The following CEP112 variants were observed in gnomAD, a reference collection of about 807,000 sequenced individuals.
The protein encoded by CEP112 is centrosomal protein 112, also known as centrosomal protein of 112 kDa.
CEP112 carries 127 observed loss-of-function variants against 153.0 expected under a neutral mutation model. The ratio of observed to expected loss-of-function variants is 0.83; its 90% CI spans 0.72 to 0.96. CEP112 has a LOEUF of 0.96. Among genes scored for constraint, CEP112 ranks in the 40% least tolerant of loss-of-function variants. The pLI, the probability that CEP112 is intolerant of heterozygous loss-of-function variation, is 0.00. For missense variants in CEP112, 1,089 were observed against 1,101.2 expected (o/e 0.99, Z 0.16); for synonymous variants, 358 against 374.4 (o/e 0.96, Z 0.51).
rs979514726 is a variant in CEP112 at position 66,114,905 on chromosome 17, T to TA, written c.642+14840dup. On this transcript the variant is annotated intron_variant, in intron 6 of 26. Coordinates refer to ENST00000535342, the MANE Select transcript of CEP112 (RefSeq NM_001199165.4). Reference sequence around the variant, plus strand: ...ACTCTCAAGAATGGCTTTTTTTAATTAAAAAAAAAAATTGCCTGGCCAGGC... The same window carrying TA: ...ACTCTCAAGAATGGCTTTTTTTAATTAAAAAAAAAAAATTGCCTGGCCAGGC... Among the ~76,000 whole-genome samples the TA allele has an allele frequency of 9.8e-3, 1,443 of 147,626 alleles. 12 individuals are homozygous for TA. Among genetic ancestry groups the TA allele is most frequent in the Non-Finnish European group, 0.012 (816 of 66,610 alleles).
chr17:65,709,152 G>A (rs1476559818), intron 23 of CEP112, among the ~76,000 whole-genome samples: 1 of 152,126 alleles, frequency 6.6e-6, no homozygotes, highest in Admixed American at 6.5e-5. Flanking sequence ...AGGGAAATAA[G>A]CTGCCTGAAC....
At chr17:65,947,799 TTAATAGA>T (rs2061694895) in intron 18 of CEP112, among the ~76,000 whole-genome samples, 5 of 152,146 alleles carry the variant, frequency 3.3e-5, no homozygotes, top group Admixed American at 6.6e-5. Context: ...AAGACAATAT[TTAATAGA>T]GACATTTCTA....
At chr17:65,987,675 T>C (rs909858449) in intron 17 of CEP112, among the ~76,000 whole-genome samples, 3 of 150,256 alleles carry the variant, frequency 2.0e-5, no homozygotes, top group Non-Finnish European at 3.0e-5. Flanking sequence ...ACCAGCAATA[T>C]CACAGAACTC....
At chr17:65,950,606 G>T (rs1309037149) in intron 18 of CEP112, among the ~76,000 whole-genome samples, 1 of 151,806 alleles carries the variant, frequency 6.6e-6, no homozygotes, top group East Asian at 1.9e-4. Flanking sequence ...ATTAGTTCTA[G>T]TATATCTTTA....
At chr17:65,745,483 GC>G (rs2051390540) in intron 22 of CEP112, among the ~76,000 whole-genome samples, 2 of 152,190 alleles carry the variant, frequency 1.3e-5, no homozygotes, top group South Asian at 4.1e-4. Context: ...AGCCAGAGGA[GC>G]CAGGGATAAA....
intron 21 of CEP112, among the ~76,000 whole-genome samples, chr17:65,806,425 C>G (rs2055601393): frequency 6.6e-6 from 1 of 152,192 alleles, no homozygotes; most frequent in Non-Finnish European, 1.5e-5. Flanking sequence ...AGTTAATCCT[C>G]AATGCAACTG....
chr17:65,862,574 G>A (rs1175447492), intron 20 of CEP112, among the ~76,000 whole-genome samples: 1 of 152,090 alleles, frequency 6.6e-6, no homozygotes, highest in Non-Finnish European at 1.5e-5. Flanking sequence ...GTGACACAGT[G>A]AAACTCCACC....
chr17:65,866,070 G>A (rs2146445644), intron 20 of CEP112, among the ~76,000 whole-genome samples: 1 of 152,158 alleles, frequency 6.6e-6, no homozygotes, highest in African/African-American at 2.4e-5. Flanking sequence ...TGCCGTCCTG[G>A]GTGCAACTGC....
chr17:65,795,387 T>C (rs915682130), intron 21 of CEP112, among the ~76,000 whole-genome samples: 6 of 152,244 alleles, frequency 3.9e-5, no homozygotes, highest in African/African-American at 1.4e-4. Flanking sequence ...TTTACAATTA[T>C]GTAACCTGAG....
chr17:65,902,227 G>A lies in CEP112; in HGVS notation c.2088C>T (p.Asn696=). 1 of 1,613,658 alleles carries A rather than the reference G, an allele frequency of 6.2e-7. No homozygotes were observed. The highest frequency in any genetic ancestry group is 1.3e-5 in the African/African-American group (1 of 74,904). The change falls in exon 20 of 27, where the codon AAC becomes AAT. Residue 696 remains asparagine (N), a synonymous_variant. Coordinates refer to ENST00000535342, the MANE Select transcript of CEP112 (RefSeq NM_001199165.4). The part of the protein sequence containing the change: ...LVRDHEREIE[N]LEKQLRAANM... ...TGGCAGCGCGAAGCTGTTTTTCCAG[G>A]TTTTCAATTTCCCGTTCATGGTCTC...
intron 23 of CEP112, among the ~76,000 whole-genome samples, chr17:65,697,009 T>C (rs976375167): frequency 1.3e-5 from 2 of 152,168 alleles, no homozygotes; most frequent in Admixed American, 1.3e-4. Flanking sequence ...GATGTGCATA[T>C]TTTGACTAAA....
intron 23 of CEP112, among the ~76,000 whole-genome samples, chr17:65,702,268 C>A (rs2048680854): frequency 6.6e-6 from 1 of 152,172 alleles, no homozygotes; most frequent in Non-Finnish European, 1.5e-5. Flanking sequence ...TGCATCCTGG[C>A]ATGTAGGATG....
chr17:66,008,295 T>C (rs551706594), intron 16 of CEP112, among the ~76,000 whole-genome samples: 1 of 152,326 alleles, frequency 6.6e-6, no homozygotes, highest in African/African-American at 2.4e-5. Flanking sequence ...TTTTCAAGTA[T>C]ACTACAGATT....
At chr17:66,021,623 T>C (rs1184386087) in intron 16 of CEP112, among the ~76,000 whole-genome samples, 2 of 152,158 alleles carry the variant, frequency 1.3e-5, no homozygotes, top group Non-Finnish European at 2.9e-5. Context: ...GGGACACCCA[T>C]CACTTCCCAT....
chr17:65,788,026 C>G (rs11654471), intron 21 of CEP112, among the ~76,000 whole-genome samples: 37,703 of 152,056 alleles, frequency 0.25, 4,967 homozygotes, highest in African/African-American at 0.31. Context: ...ACATTTCACC[C>G]TAAAAATGAT....
chr17:66,061,350 G>C (rs2066913496), intron 11 of CEP112, among the ~76,000 whole-genome samples: 1 of 152,044 alleles, frequency 6.6e-6, no homozygotes, highest in Non-Finnish European at 1.5e-5. Context: ...AATTAGTACA[G>C]CCATTAGGGA....
chr17:65,730,616 T>A lies in CEP112; in HGVS notation c.2607+12452A>T, dbSNP rs1034763. ...ATGAACAGGTCCCAAACAATGCCAT[T>A]TGATGCTAGGCATCGAGATTTCTTC... On this transcript the variant is annotated intron_variant, in intron 23 of 26. Coordinates refer to ENST00000535342, the MANE Select transcript of CEP112 (RefSeq NM_001199165.4). Among the ~76,000 whole-genome samples, 23 of 152,132 alleles carry A rather than the reference T, an allele frequency of 1.5e-4. 1 individual carries two copies. The South Asian group carries it at 4.4e-3, about 29-fold the overall frequency.
intron 18 of CEP112, chr17:65,941,545 T>C (rs2061503935): frequency 6.6e-6 from 1 of 152,186 alleles, no homozygotes; most frequent in Admixed American, 6.5e-5. Context: ...AAACACAGCG[T>C]TCTCAGTTGC....
chr17:66,028,333 G>T lies in CEP112; in HGVS notation c.1576C>A (p.Gln526Lys). The stretch of plus-strand genomic sequence containing the variant: ...CTCACCCTTAGTTGTTGCTTTCTTT[G>T]AAGTTCTGATTCCTGTAACTGCTGT... ...LKQQLQESEL[Q>K]RKQQLRDQEN... The change falls in exon 15 of 27, where the codon CAA becomes AAA. Residue 526 changes from glutamine to lysine, a missense_variant. Gln to Lys is a moderately conservative substitution (Grantham distance 53, BLOSUM62 1). Coordinates refer to ENST00000535342, the MANE Select transcript of CEP112 (RefSeq NM_001199165.4). 6.3e-7 allele frequency: 1 copy of T among 1,595,316 alleles called. No homozygotes were observed. Among genetic ancestry groups the T allele is most frequent in the Non-Finnish European group, 8.6e-7 (1 of 1,168,830 alleles).
Sources: allele counts gnomAD v4.1 joint callset (sites outside exome capture counted in the v4.1 genomes callset), GRCh38; gene constraint gnomAD v4.1.1; transcripts MANE v1.5; gene names NCBI Gene and HGNC (gene_info 2026-07-23, HGNC 2026-07-21).